Variants in TBL1Y observed in about 807,000 individuals in gnomAD.
TBL1Y encodes the protein transducin beta like 1 Y-linked, also known as F-box-like/WD repeat-containing protein TBL1Y.
Under a neutral mutation model 12.0 loss-of-function variants are expected in TBL1Y, and 15 were observed. That is an observed-to-expected ratio of 1.25 (90% CI 0.83 to 1.92). The LOEUF (loss-of-function observed/expected upper bound fraction) is 1.92. TBL1Y is among the 40% of genes most tolerant of loss of function. The pLI is 0.00. For synonymous variants in TBL1Y, 53 were observed against 42.6 expected, an observed-to-expected ratio of 1.24 and a Z score of -0.95; for missense variants, 148 against 116.7, an observed-to-expected ratio of 1.27 and a Z score of -1.24.
rs375937006 is a variant in TBL1Y, at chrY:7,068,574, T to C, written c.458-1622T>C. ...CCTGCAACCTTCTGTCTAGACTGTG[T>C]CAATGCATTAGTCGCTACCCCTGAG... On this transcript the variant is annotated intron_variant, in intron 8 of 18. Transcript: ENST00000383032. Among the ~76,000 whole-genome samples, 5 of 31,839 alleles carry C rather than the reference T, an allele frequency of 1.6e-4. No individual in the cohort carries two copies. The South Asian group carries it at 3.8e-3, about 24-fold the overall frequency. The allele number at this position is 31,839 out of a possible 37,273, so 85.4% of individuals were successfully genotyped here.
chrY:7,089,746 C>T (rs2013163084), intron 17 of TBL1Y, among the ~76,000 whole-genome samples: 1 of 32,996 alleles, frequency 3.0e-5, no homozygotes, highest in African/African-American at 1.2e-4. Flanking sequence ...GCTGAGATTG[C>T]GCCACTGCAC....
intron 6 of TBL1Y, among the ~76,000 whole-genome samples, chrY:7,028,284 G>T: frequency 2.9e-5 from 1 of 34,147 alleles, no homozygotes; most frequent in South Asian, 6.6e-4. Context: ...CATGATGTCA[G>T]TTAGGATGCA....
intron 2 of TBL1Y, among the ~76,000 whole-genome samples, chrY:6,954,875 T>C: frequency 2.9e-5 from 1 of 33,918 alleles, no homozygotes; most frequent in African/African-American, 1.2e-4. Flanking sequence ...AAATTTGCTC[T>C]AATGTCAGTT....
intron 1 of TBL1Y, among the ~76,000 whole-genome samples, chrY:6,911,286 A>G: frequency 1.2e-4 from 4 of 34,298 alleles, no homozygotes; most frequent in African/African-American, 4.5e-4. Flanking sequence ...AAGTTTAGGA[A>G]AGTACTCGGT....
At chrY:6,931,134 G>A (rs2011863761) in intron 2 of TBL1Y, among the ~76,000 whole-genome samples, 3 of 33,504 alleles carry the variant, frequency 9.0e-5, no homozygotes, top group Admixed American at 8.2e-4. Flanking sequence ...AATAAATCCC[G>A]GACACACCAG....
intron 4 of TBL1Y, among the ~76,000 whole-genome samples, chrY:7,002,171 G>C (rs2124140971): frequency 2.9e-5 from 1 of 34,492 alleles, no homozygotes; most frequent in Non-Finnish European, 7.2e-5. Flanking sequence ...TCCAAGCTAA[G>C]TGTCATGGCT....
chrY:7,078,188 A>G (rs2013072318), intron 13 of TBL1Y, among the ~76,000 whole-genome samples: 1 of 33,543 alleles, frequency 3.0e-5, no homozygotes, highest in Non-Finnish European at 7.4e-5. Context: ...AGGAAAAAAA[A>G]AAGACACATA....
At chrY:6,996,753 C>G in intron 4 of TBL1Y, among the ~76,000 whole-genome samples, 4 of 32,276 alleles carry the variant, frequency 1.2e-4, no homozygotes, top group Admixed American at 1.1e-3. Flanking sequence ...AGGCTTGACC[C>G]TGGAATTTTC....
intron 2 of TBL1Y, among the ~76,000 whole-genome samples, chrY:6,965,427 C>T (rs548919246): frequency 3.0e-5 from 1 of 32,805 alleles, no homozygotes; most frequent in Non-Finnish European, 7.5e-5. Flanking sequence ...GAAACTGAAA[C>T]GCTAGCCAAT....
intron 6 of TBL1Y, among the ~76,000 whole-genome samples, chrY:7,036,898 A>G (rs1603042125): frequency 2.9e-5 from 1 of 34,037 alleles, no homozygotes; most frequent in East Asian, 8.0e-4. Flanking sequence ...AAAGGAGAGC[A>G]GTAGGCAGCT....
At position 7,057,583 on chromosome Y, in the gene TBL1Y, A is replaced by C. The variant is rs750047599; in HGVS notation, c.205-6314A>C. ...CATTTCGGCTGTGAGGGAAGTAAGA[A>C]TTGAGGCTGTCATTCCTTTCTACCA... On this transcript the variant is annotated intron_variant, in intron 7 of 18. Transcript: ENST00000383032. 2.7e-4 allele frequency among the ~76,000 whole-genome samples: 9 copies of C among 33,072 alleles called. No individual in the cohort carries two copies. In the East Asian group the frequency reaches 7.2e-3, roughly 27 times the overall value. 88.7% of individuals were successfully genotyped at this position (33,072 alleles called of 37,273 possible).
chrY:7,091,584 C>T lies in TBL1Y; in HGVS notation c.*92C>T. 1 of 185,336 alleles carries T rather than the reference C, an allele frequency of 5.4e-6. No individual in the cohort carries two copies. The highest frequency in any genetic ancestry group is 8.4e-5 in the African/African-American group (1 of 11,952). 46.2% of individuals were successfully genotyped at this position (185,336 alleles called of 400,897 possible). A position where few individuals can be genotyped will look rare whatever the true frequency, so the allele number is the denominator to read the frequency against. On this transcript the variant is annotated 3_prime_UTR_variant, in exon 19 of 19. Transcript: ENST00000383032. ...CAGCTCTGTTCAAACACAATTCTAT[C>T]AGCTCCAAAATGTGTGAACTTGACT...
chrY:7,080,324 G>A, intron 13 of TBL1Y, among the ~76,000 whole-genome samples: 1 of 32,664 alleles, frequency 3.1e-5, no homozygotes, highest in African/African-American at 1.2e-4. Flanking sequence ...CTCCCACTTC[G>A]GCCTTCCAAA....
chrY:7,064,462 G>C (rs959882269), intron 8 of TBL1Y, among the ~76,000 whole-genome samples: 1 of 33,433 alleles, frequency 3.0e-5, no homozygotes, highest in Non-Finnish European at 7.4e-5. Flanking sequence ...GACAAATTTA[G>C]TCTCAGCCTC....
At chrY:7,013,847 C>T (rs2012532995) in intron 4 of TBL1Y, among the ~76,000 whole-genome samples, 8 of 34,266 alleles carry the variant, frequency 2.3e-4, no homozygotes, top group Admixed American at 2.1e-3. Context: ...GGGCCTGTAG[C>T]CCCTTTCTTT....
At chrY:6,987,571 A>G (rs756944009) in intron 3 of TBL1Y, among the ~76,000 whole-genome samples, 4 of 32,755 alleles carry the variant, frequency 1.2e-4, no homozygotes, top group African/African-American at 4.8e-4. Flanking sequence ...CAGCCTCCCA[A>G]ACTTCTAAGA....
At chrY:6,979,604 G>T in intron 3 of TBL1Y, among the ~76,000 whole-genome samples, 1 of 33,214 alleles carries the variant, frequency 3.0e-5, no homozygotes, top group Non-Finnish European at 7.4e-5. Flanking sequence ...CAAACCTATT[G>T]TATGCTTGCT....
At chrY:6,958,450 G>A in intron 2 of TBL1Y, among the ~76,000 whole-genome samples, 1 of 33,033 alleles carries the variant, frequency 3.0e-5, no homozygotes, top group Non-Finnish European at 7.5e-5. Context: ...AGTCGGATGG[G>A]ATAAGAGACT....
At chrY:7,005,726 T>C (rs570947363) in intron 4 of TBL1Y, among the ~76,000 whole-genome samples, 1 of 33,481 alleles carries the variant, frequency 3.0e-5, no homozygotes, top group Admixed American at 2.7e-4. Context: ...GACTAAGAGG[T>C]AAATATCTGT....
Sources: gnomAD v4.1 joint callset for allele counts (sites outside exome capture counted in the v4.1 genomes callset) on GRCh38, gnomAD v4.1.1 for gene constraint, MANE v1.5 for transcripts, NCBI Gene and HGNC (gene_info 2026-07-23, HGNC 2026-07-21) for gene names.